SAMD4A: variants seen among roughly 807,000 people sequenced by gnomAD.
SAMD4A encodes protein Smaug homolog 1.
Under a neutral mutation model 81.3 loss-of-function variants are expected in SAMD4A, and 33 were observed. That is an observed-to-expected ratio of 0.41 (90% confidence interval 0.31 to 0.54). The LOEUF (loss-of-function observed/expected upper bound fraction) is 0.54, where lower values mean the gene tolerates loss of function less well. Among genes scored for constraint, SAMD4A ranks in the 20% least tolerant of loss-of-function variants. The probability of loss-of-function intolerance (pLI) is 0.37; values close to 1 mark genes in which losing one functional copy is unlikely to be tolerated. For missense variants in SAMD4A, 854 were observed against 951.1 expected, an observed-to-expected ratio of 0.90 and a Z score of 1.34; for synonymous variants, 389 against 382.1, an observed-to-expected ratio of 1.02 and a Z score of -0.21.
chr14:54,581,935 G>T (rs886263735), intron 2 of SAMD4A, among the ~76,000 whole-genome samples: 1 of 152,064 alleles, frequency 6.6e-6, no homozygotes, highest in African/African-American at 2.4e-5. Flanking sequence ...ACAAGCGTTC[G>T]TTGGAAAAAG....
chr14:54,569,790 G>A (rs371931997), intron 2 of SAMD4A, among the ~76,000 whole-genome samples: 94 of 152,326 alleles, frequency 6.2e-4, no homozygotes, highest in African/African-American at 2.2e-3. Flanking sequence ...TTTCAGTGCT[G>A]GTAGGGACTG....
At chr14:54,715,216 T>C (rs2140830160) in intron 3 of SAMD4A, among the ~76,000 whole-genome samples, 1 of 152,136 alleles carries the variant, frequency 6.6e-6, no homozygotes, top group South Asian at 2.1e-4. Context: ...AAAATTGCCA[T>C]AGTGAATTCA....
chr14:54,612,433 T>C (rs570516593), intron 2 of SAMD4A, among the ~76,000 whole-genome samples: 3 of 152,324 alleles, frequency 2.0e-5, no homozygotes, highest in African/African-American at 4.8e-5. Flanking sequence ...TTTGATTTCT[T>C]ATTTTAAAAT....
At position 54,776,546 on chromosome 14, in the gene SAMD4A, G is replaced by C. The variant is rs1248565275; in HGVS notation, c.2044+6G>C. ...GCTGATGTTCCAGCAGCCAGGTAGG[G>C]CCCGGCGCTTCATGTCCCCTTGACA... is the stretch of plus-strand genomic sequence containing the variant. On this transcript the variant is annotated splice_donor_region_variant and intron_variant, in intron 11 of 12. Transcript: ENST00000554335. 1 of 1,556,436 alleles carries C rather than the reference G, an allele frequency of 6.4e-7. No homozygotes were observed. The highest frequency in any genetic ancestry group is 8.7e-7 in the Non-Finnish European group (1 of 1,154,340).
chr14:54,714,513 C>A (rs965089295), intron 3 of SAMD4A, among the ~76,000 whole-genome samples: 1 of 152,086 alleles, frequency 6.6e-6, no homozygotes, highest in Admixed American at 6.6e-5. Context: ...GGTACACCTA[C>A]AAGTCAGCTG....
chr14:54,629,130 A>G (rs1403838707), intron 2 of SAMD4A, among the ~76,000 whole-genome samples: 1 of 152,178 alleles, frequency 6.6e-6, no homozygotes, highest in Non-Finnish European at 1.5e-5. Context: ...CCATATGAAG[A>G]GAGACACACA....
At chr14:54,607,645 A>G (rs879668493) in intron 2 of SAMD4A, among the ~76,000 whole-genome samples, 25 of 151,798 alleles carry the variant, frequency 1.6e-4, no homozygotes, top group Non-Finnish European at 2.2e-4. Context: ...TAGTAGAGAC[A>G]GGGTTTCACC....
At chr14:54,718,247 CTT>C (rs1173717946) in intron 3 of SAMD4A, among the ~76,000 whole-genome samples, 2 of 152,112 alleles carry the variant, frequency 1.3e-5, no homozygotes, top group African/African-American at 4.8e-5. Flanking sequence ...CATAAACAAA[CTT>C]TTTAGAAAGG....
upstream of SAMD4A, among the ~76,000 whole-genome samples, chr14:54,565,572 C>A (rs2032904752): frequency 6.6e-6 from 1 of 152,254 alleles, no homozygotes; most frequent in Admixed American, 6.5e-5. This position sits in a 1 kb window ranked among gnomAD's most constrained non-coding sequence, Gnocchi z 5.4. Flanking sequence ...CCCCCGGAAC[C>A]CATCCCAGCA....
intron 2 of SAMD4A, among the ~76,000 whole-genome samples, chr14:54,588,016 A>G (rs949817667): frequency 3.3e-5 from 5 of 151,668 alleles, no homozygotes; most frequent in Admixed American, 6.6e-5. Flanking sequence ...CTCGTCCTGG[A>G]CTTTTTTTTT....
At chr14:54,699,886 A>G (rs996469281) in intron 2 of SAMD4A, among the ~76,000 whole-genome samples, 1 of 152,096 alleles carries the variant, frequency 6.6e-6, no homozygotes, top group Non-Finnish European at 1.5e-5. Context: ...TCCACGTCCT[A>G]TCTTAATCTC....
chr14:54,609,839 A>G (rs1429652253), intron 2 of SAMD4A, among the ~76,000 whole-genome samples: 1 of 152,226 alleles, frequency 6.6e-6, no homozygotes, highest in Non-Finnish European at 1.5e-5. Context: ...TGCTTACAGG[A>G]CCAAAGACTT....
intron 2 of SAMD4A, among the ~76,000 whole-genome samples, chr14:54,665,155 A>G (rs1331543647): frequency 6.6e-6 from 1 of 152,252 alleles, no homozygotes; most frequent in African/African-American, 2.4e-5. Context: ...GAGAACCCTC[A>G]GGAAGAATAA....
chr14:54,600,613 C>T (rs2034027676), intron 2 of SAMD4A, among the ~76,000 whole-genome samples: 1 of 152,178 alleles, frequency 6.6e-6, no homozygotes, highest in Non-Finnish European at 1.5e-5. Flanking sequence ...GTTGCCATCT[C>T]CCAAGTAACT....
At position 54,774,936 on chromosome 14, in the gene SAMD4A, G is replaced by A. The variant is rs549843285; in HGVS notation, c.1718G>A (p.Arg573Gln). ...TCCTTCTCTCTTGGCTCTCACAGTC[G>A]AGGCTTTGGGCAATCCAACTCCCTC... ...DISGYRQQRN[R>Q]GFGQSNSLPT... Residue 573 changes from arginine to glutamine, a missense_variant and splice_region_variant, in exon 10 of 13, where the codon CGA becomes CAA. Arg to Gln is a conservative substitution (Grantham distance 43, BLOSUM62 1). Coordinates refer to ENST00000554335, the MANE Select transcript of SAMD4A (RefSeq NM_015589.6). 5.0e-6 allele frequency: 8 copies of A among 1,613,900 alleles called. No individual in the cohort carries two copies. Among genetic ancestry groups the A allele is most frequent in the Non-Finnish European group, 6.8e-6 (8 of 1,180,032 alleles).
At chr14:54,766,594 G>A (rs1420483134) in intron 8 of SAMD4A, among the ~76,000 whole-genome samples, 1 of 152,190 alleles carries the variant, frequency 6.6e-6, no homozygotes, top group African/African-American at 2.4e-5. Context: ...TAAGGAGGCA[G>A]AAGAGAGTGA....
intron 2 of SAMD4A, chr14:54,688,212 CTGTTACTGCA>C: frequency 1.0e-6 from 1 of 985,476 alleles, no homozygotes; most frequent in South Asian, 4.7e-5. Context: ...AATTTTGCTC[CTGTTACTGCA>C]TGTCTTGTGG....
rs78909345 is a variant in SAMD4A at position 54,646,481 on chromosome 14, C to A, written c.197-55581C>A. ...AGACCCAAGCATTTGCAAGTTCCCA[C>A]GTGATACTGCTGCCATTGATCCAGG... On this transcript the variant is annotated intron_variant, in intron 2 of 12. Coordinates refer to ENST00000554335, the MANE Select transcript of SAMD4A (RefSeq NM_015589.6). Among the ~76,000 whole-genome samples the A allele has an allele frequency of 6.5e-3, 983 of 152,364 alleles. 10 individuals are homozygous for A. The highest frequency in any genetic ancestry group is 0.022 in the African/African-American group (931 of 41,588).
intron 3 of SAMD4A, among the ~76,000 whole-genome samples, chr14:54,732,536 AATT>A (rs1324751703): frequency 6.6e-6 from 1 of 152,156 alleles, no homozygotes; most frequent in Non-Finnish European, 1.5e-5. Flanking sequence ...ATTTATTATA[AATT>A]ATTAAAAATT....
Sources: gnomAD v4.1 joint callset for allele counts (sites outside exome capture counted in the v4.1 genomes callset) on GRCh38, gnomAD v4.1.1 for gene constraint, Gnocchi (gnomAD v3.1) non-coding constraint, MANE v1.5 for transcripts, NCBI Gene and HGNC (gene_info 2026-07-23, HGNC 2026-07-21) for gene names.